Variants in DOCK2 observed in about 807,000 individuals in gnomAD.
DOCK2 encodes dedicator of cytokinesis protein 2.
DOCK2 carries 87 observed loss-of-function variants against 248.9 expected under a neutral mutation model. The ratio of observed to expected loss-of-function variants is 0.35; its 90% confidence interval spans 0.29 to 0.42. The LOEUF (loss-of-function observed/expected upper bound fraction) is 0.42. Ranked by LOEUF, DOCK2 falls within the 10% of genes least tolerant of loss-of-function variation. DOCK2 has a pLI of 1.00. For synonymous variants in DOCK2, 805 were observed against 821.6 expected, an observed-to-expected ratio of 0.98 and a Z score of 0.35; for missense variants, 1,747 against 2,300.2, an observed-to-expected ratio of 0.76 and a Z score of 4.92.
intron 26 of DOCK2, among the ~76,000 whole-genome samples, chr5:169,814,364 A>G (rs911374294): frequency 6.6e-6 from 1 of 152,190 alleles, no homozygotes; most frequent in African/African-American, 2.4e-5. Context: ...ATTGAAAAAT[A>G]CCAGTCTAGT....
intron 26 of DOCK2, among the ~76,000 whole-genome samples, chr5:169,830,744 A>T (rs560593227): frequency 6.6e-6 from 1 of 152,352 alleles, no homozygotes; most frequent in Admixed American, 6.5e-5. Context: ...AGCTGGTTTC[A>T]TAGTTGTGCC....
At chr5:169,753,536 G>A (rs887925303) in intron 23 of DOCK2, among the ~76,000 whole-genome samples, 11 of 152,200 alleles carry the variant, frequency 7.2e-5, no homozygotes, top group African/African-American at 1.9e-4. Context: ...AAGAGGTTAA[G>A]TAACTTACCT....
intron 22 of DOCK2, among the ~76,000 whole-genome samples, chr5:169,719,829 C>A (rs1762097053): frequency 6.6e-6 from 1 of 151,802 alleles, no homozygotes; most frequent in Non-Finnish European, 1.5e-5. Flanking sequence ...ATAGCCAGGT[C>A]AGCCACTTAT....
At chr5:169,873,696 T>C (rs2113468235) in intron 27 of DOCK2, among the ~76,000 whole-genome samples, 1 of 152,332 alleles carries the variant, frequency 6.6e-6, no homozygotes, top group East Asian at 1.9e-4. Context: ...ACTGAGTGCA[T>C]ATTGCATTTC....
chr5:169,718,616 G>A, intron 21 of DOCK2, 41 bp from the exon 22 acceptor site: 2 of 1,595,086 alleles, frequency 1.3e-6, no homozygotes, highest in Admixed American at 1.7e-5. Flanking sequence ...TAATTACCAT[G>A]ATGAAAGAGA....
rs764866691 is a variant in DOCK2, at chr5:170,021,783, A to G, written c.3381+2675A>G. 2.6e-5 allele frequency among the ~76,000 whole-genome samples: 4 copies of G among 152,260 alleles called. No homozygotes were observed. In the East Asian group the frequency reaches 5.8e-4, roughly 22 times the overall value. On this transcript the variant is annotated intron_variant, in intron 33 of 51. Coordinates refer to ENST00000520908, the MANE Select transcript of DOCK2 (RefSeq NM_004946.3). ...AGCTCGGGGATACGCCGGCCCAGGC[A>G]TGGTTTTTGGTTCAGGGTAAGCAGT...
At chr5:169,877,871 T>G (rs572267686) in intron 27 of DOCK2, among the ~76,000 whole-genome samples, 1 of 152,268 alleles carries the variant, frequency 6.6e-6, no homozygotes, top group Middle Eastern at 3.4e-3. Context: ...CCAATCTCTC[T>G]CTTCACCCAC....
At chr5:170,040,333 C>T (rs749313204) in intron 36 of DOCK2, among the ~76,000 whole-genome samples, 3 of 152,200 alleles carry the variant, frequency 2.0e-5, no homozygotes, top group Admixed American at 6.5e-5. Flanking sequence ...TCAGTACCCT[C>T]AGTTATATTG....
At chr5:169,720,782 G>A (rs1762156282) in intron 22 of DOCK2, among the ~76,000 whole-genome samples, 1 of 152,184 alleles carries the variant, frequency 6.6e-6, no homozygotes, top group East Asian at 1.9e-4. Flanking sequence ...CACGGCTAGA[G>A]GGCAATGGCA....
At chr5:170,048,488 T>C (rs1756795432) in intron 40 of DOCK2, among the ~76,000 whole-genome samples, 1 of 152,214 alleles carries the variant, frequency 6.6e-6, no homozygotes, top group African/African-American at 2.4e-5. Flanking sequence ...AGCTCTATTT[T>C]CCAATAAAAA....
chr5:169,902,382 A>C (rs1240341797), intron 27 of DOCK2, among the ~76,000 whole-genome samples: 2 of 152,228 alleles, frequency 1.3e-5, no homozygotes, highest in Non-Finnish European at 2.9e-5. Context: ...GCTGAGGCAC[A>C]AAGAAGTTTA....
chr5:169,856,026 G>A (rs1204190775), intron 27 of DOCK2, among the ~76,000 whole-genome samples: 5 of 152,162 alleles, frequency 3.3e-5, no homozygotes, highest in East Asian at 1.9e-4. Flanking sequence ...GAAGGGGGAA[G>A]AGCCTCTTAT....
chr5:169,768,192 G>T (rs1449033959), intron 25 of DOCK2, among the ~76,000 whole-genome samples: 1 of 152,114 alleles, frequency 6.6e-6, no homozygotes, highest in Non-Finnish European at 1.5e-5. Context: ...TGCTCTGCCA[G>T]TTCCACCCAC....
At chr5:169,810,748 G>A (rs138526707) in intron 26 of DOCK2, among the ~76,000 whole-genome samples, 9 of 152,072 alleles carry the variant, frequency 5.9e-5, no homozygotes, top group East Asian at 3.9e-4. Context: ...TTAGTATGTC[G>A]CACTTAGCGC....
chr5:169,677,394 G>T (rs1408318554), intron 6 of DOCK2, among the ~76,000 whole-genome samples: 2 of 152,124 alleles, frequency 1.3e-5, no homozygotes, highest in Non-Finnish European at 2.9e-5. Context: ...CTAGCTGAAG[G>T]CTGCCCGCAA....
At chr5:170,061,225 G>T (rs1757317018) in intron 44 of DOCK2, among the ~76,000 whole-genome samples, 1 of 151,806 alleles carries the variant, frequency 6.6e-6, no homozygotes, top group African/African-American at 2.4e-5. Flanking sequence ...AGAAACTGAG[G>T]CTCAGCTTAG....
intron 22 of DOCK2, among the ~76,000 whole-genome samples, chr5:169,730,470 G>A: frequency 6.6e-6 from 1 of 152,092 alleles, no homozygotes; most frequent in Non-Finnish European, 1.5e-5. Flanking sequence ...TACCATGCAG[G>A]GATTATTCTA....
At chr5:169,777,135 C>T (rs1208742092) in intron 25 of DOCK2, among the ~76,000 whole-genome samples, 2 of 152,166 alleles carry the variant, frequency 1.3e-5, no homozygotes, top group Non-Finnish European at 2.9e-5. Context: ...GGTTTTGACT[C>T]TCCCTTTTCC....
At chr5:169,833,093 C>T (rs537726904) in intron 26 of DOCK2, among the ~76,000 whole-genome samples, 1 of 152,182 alleles carries the variant, frequency 6.6e-6, no homozygotes, top group Non-Finnish European at 1.5e-5. Context: ...CAACACTGGT[C>T]ATATTACCTT....
Sources: gnomAD v4.1 joint callset for allele counts (sites outside exome capture counted in the v4.1 genomes callset) on GRCh38, gnomAD v4.1.1 for gene constraint, MANE v1.5 for transcripts, NCBI Gene and HGNC (gene_info 2026-07-23, HGNC 2026-07-21) for gene names.